Variants in CMTM7 observed in about 807,000 individuals in gnomAD.
CMTM7 encodes CKLF-like MARVEL transmembrane domain-containing protein 7.
In CMTM7, 7 loss-of-function variants were observed where a neutral mutation model predicts 19.3. That is an observed-to-expected ratio of 0.36 (90% CI 0.21 to 0.68). The LOEUF (loss-of-function observed/expected upper bound fraction) is 0.68, where lower values mean the gene tolerates loss of function less well. CMTM7 is among the 30% of genes least tolerant of loss of function. CMTM7 has a pLI of 0.60. For synonymous variants in CMTM7, 87 were observed against 99.3 expected (o/e 0.88, Z 0.74); for missense variants, 193 against 232.6 (o/e 0.83, Z 1.11).
At chr3:32,410,509 A>G (rs1045209727) in intron 1 of CMTM7, among the ~76,000 whole-genome samples, 14 of 152,264 alleles carry the variant, frequency 9.2e-5, no homozygotes, top group African/African-American at 3.4e-4. Flanking sequence ...CTGCTGAGGG[A>G]GGGGGCTGGG....
intron 1 of CMTM7, 26 bp from the exon 2 acceptor site, chr3:32,441,814 C>A (rs745871953): frequency 6.2e-7 from 1 of 1,610,088 alleles, no homozygotes; most frequent in Non-Finnish European, 8.5e-7. Flanking sequence ...GCAAGCATTT[C>A]TCTGATGTCT....
chr3:32,446,034 A>G (rs1339906336), intron 2 of CMTM7, among the ~76,000 whole-genome samples: 1 of 152,240 alleles, frequency 6.6e-6, no homozygotes, highest in Admixed American at 6.5e-5. Context: ...TCACAGAATA[A>G]TTTAGGAAAT....
intron 1 of CMTM7, among the ~76,000 whole-genome samples, chr3:32,416,919 A>G (rs1296103924): frequency 6.6e-6 from 1 of 152,176 alleles, no homozygotes; most frequent in Non-Finnish European, 1.5e-5. Flanking sequence ...CTTCTTCACA[A>G]TCTAACTGTC....
intron 4 of CMTM7, among the ~76,000 whole-genome samples, chr3:32,453,817 T>C (rs999411112): frequency 2.0e-5 from 3 of 152,190 alleles, no homozygotes; most frequent in African/African-American, 7.2e-5. Context: ...ATGTGAATTA[T>C]TAAAATATCC....
chr3:32,405,003 G>A (rs1282880558), intron 1 of CMTM7, among the ~76,000 whole-genome samples: 2 of 152,200 alleles, frequency 1.3e-5, no homozygotes, highest in East Asian at 1.9e-4. Context: ...GGCCTGTGAG[G>A]GGCCATGTCA....
At chr3:32,411,355 A>G (rs1043799857) in intron 1 of CMTM7, among the ~76,000 whole-genome samples, 2 of 152,256 alleles carry the variant, frequency 1.3e-5, no homozygotes, top group Non-Finnish European at 2.9e-5. Flanking sequence ...TGAATATATA[A>G]AAAGGAAAAT....
chr3:32,414,205 A>G (rs908887715), intron 1 of CMTM7, among the ~76,000 whole-genome samples: 5 of 152,014 alleles, frequency 3.3e-5, no homozygotes, highest in African/African-American at 9.7e-5. Context: ...CTCAGAGTCT[A>G]TTTCCAGGGA....
At chr3:32,428,479 CA>C (rs947509396) in intron 1 of CMTM7, among the ~76,000 whole-genome samples, 1 of 152,170 alleles carries the variant, frequency 6.6e-6, no homozygotes, top group African/African-American at 2.4e-5. Context: ...CTCTAGAGAG[CA>C]GGAAGTCAAG....
intron 1 of CMTM7, among the ~76,000 whole-genome samples, chr3:32,421,277 C>G (rs1696339219): frequency 6.6e-6 from 1 of 152,148 alleles, no homozygotes; most frequent in South Asian, 2.1e-4. Flanking sequence ...TCCCCATCGC[C>G]CACCTAGCAT....
chr3:32,396,462 G>A (rs1024268816), intron 1 of CMTM7, among the ~76,000 whole-genome samples: 1 of 152,070 alleles, frequency 6.6e-6, no homozygotes, highest in African/African-American at 2.4e-5. Context: ...AGCTGAGATT[G>A]CGTGACTGTA....
At chr3:32,424,346 G>A (rs1446339919) in intron 1 of CMTM7, among the ~76,000 whole-genome samples, 2 of 152,176 alleles carry the variant, frequency 1.3e-5, no homozygotes, top group African/African-American at 2.4e-5. Flanking sequence ...TGCAGATCAC[G>A]TCGTGTCACT....
intron 1 of CMTM7, among the ~76,000 whole-genome samples, chr3:32,408,842 A>G (rs916513681): frequency 7.2e-6 from 1 of 138,230 alleles, no homozygotes; most frequent in Non-Finnish European, 1.6e-5. Context: ...TAGTGTTTGT[A>G]GAAGTATCAG....
chr3:32,430,714 T>TGTGTGTGTGTGTGTGTGTGTGTGA (rs10634592), intron 1 of CMTM7, among the ~76,000 whole-genome samples: 139 of 149,694 alleles, frequency 9.3e-4, no homozygotes, highest in African/African-American at 2.0e-3. Flanking sequence ...TGTGTGTGTG[T>TGTGTGTGTGTGTGTGTGTGTGTGA]GACACAGCTC....
At chr3:32,406,850 A>G (rs1272753878) in intron 1 of CMTM7, among the ~76,000 whole-genome samples, 23 of 152,192 alleles carry the variant, frequency 1.5e-4, no homozygotes, top group Admixed American at 1.5e-3. Context: ...AGATTGCCCT[A>G]TTTTGAGGCA....
intron 1 of CMTM7, among the ~76,000 whole-genome samples, chr3:32,420,729 G>A (rs893395537): frequency 5.3e-5 from 8 of 152,164 alleles, no homozygotes; most frequent in African/African-American, 1.4e-4. Flanking sequence ...AAAATGCAGC[G>A]GCCAGAGAGC....
chr3:32,448,030 C>T (rs187035441), intron 2 of CMTM7, among the ~76,000 whole-genome samples: 61 of 152,192 alleles, frequency 4.0e-4, no homozygotes, highest in African/African-American at 1.2e-3. Flanking sequence ...TCCTCTGGGG[C>T]TTACCTGATG....
chr3:32,393,040 C>T (rs753726080), intron 1 of CMTM7, among the ~76,000 whole-genome samples: 27 of 152,062 alleles, frequency 1.8e-4, no homozygotes, highest in Non-Finnish European at 2.9e-4. Flanking sequence ...CGGTAAGTTT[C>T]AAAAAGAGGT....
chr3:32,411,262 C>G (rs985066666), intron 1 of CMTM7, among the ~76,000 whole-genome samples: 2 of 152,202 alleles, frequency 1.3e-5, no homozygotes, highest in African/African-American at 4.8e-5. Flanking sequence ...ACACAAATCT[C>G]TCTTATCGTT....
intron 1 of CMTM7, among the ~76,000 whole-genome samples, chr3:32,408,462 A>G (rs535578394): frequency 1.3e-5 from 2 of 152,364 alleles, no homozygotes; most frequent in South Asian, 4.1e-4. Flanking sequence ...CAGAATGGCA[A>G]TGACATCTCA....
Sources: allele counts gnomAD v4.1 joint callset (sites outside exome capture counted in the v4.1 genomes callset), GRCh38; gene constraint gnomAD v4.1.1; transcripts MANE v1.5; gene names NCBI Gene and HGNC (gene_info 2026-07-23, HGNC 2026-07-21).